Variants in PTPRD observed in about 807,000 individuals in gnomAD.
PTPRD encodes receptor-type tyrosine-protein phosphatase delta.
In PTPRD, 34 loss-of-function variants were observed where a neutral mutation model predicts 214.5. The observed-to-expected ratio is 0.16, with a 90% CI of 0.12 to 0.21. The LOEUF is 0.21. PTPRD is among the 10% of genes least tolerant of loss of function. PTPRD has a pLI of 1.00. For synonymous variants in PTPRD, 1,128 were observed against 845.7 expected, an observed-to-expected ratio of 1.33 and a Z score of -5.79; for missense variants, 2,545 against 2,398.7, an observed-to-expected ratio of 1.06 and a Z score of -1.27.
intron 11 of PTPRD, among the ~76,000 whole-genome samples, chr9:8,905,738 C>CA (rs58429749): frequency 0.3 from 29,625 of 98,744 alleles, 3,651 homozygotes; most frequent in South Asian, 0.4. Flanking sequence ...GACTCCCTCG[C>CA]AAAAAAAAAA....
intron 9 of PTPRD, among the ~76,000 whole-genome samples, chr9:9,216,532 C>T (rs1473497451): frequency 1.3e-5 from 2 of 152,154 alleles, no homozygotes; most frequent in Non-Finnish European, 2.9e-5. Flanking sequence ...TGATTAACTA[C>T]ACAGCCGTCA....
rs145203726 is a variant in PTPRD at position 9,696,251 on chromosome 9, G to A, written c.-287+38282C>T. Among the ~76,000 whole-genome samples the A allele has an allele frequency of 5.9e-5, 9 of 152,136 alleles. No homozygotes were observed. The East Asian group carries it at 1.4e-3, about 23-fold the overall frequency. On this transcript the variant is annotated intron_variant, in intron 7 of 45. Coordinates refer to ENST00000381196, the MANE Select transcript of PTPRD (RefSeq NM_002839.4). ...GTCTATTCTTGAGAATGTTTCATAC[G>A]TTTATAAGAAAAATGTGTATTCTGC...
chr9:8,472,104 T>C (rs2096664302), intron 30 of PTPRD, among the ~76,000 whole-genome samples: 1 of 152,164 alleles, frequency 6.6e-6, no homozygotes, highest in African/African-American at 2.4e-5. Flanking sequence ...GACAGATCTG[T>C]AGAGATTAAA....
chr9:9,347,524 C>A (rs1037969429), intron 9 of PTPRD, among the ~76,000 whole-genome samples: 4 of 152,056 alleles, frequency 2.6e-5, no homozygotes, highest in African/African-American at 9.6e-5. Flanking sequence ...ACAGGTGATG[C>A]AGAGTGGGTG....
intron 3 of PTPRD, among the ~76,000 whole-genome samples, chr9:10,320,055 A>C (rs1381510712): frequency 6.6e-6 from 1 of 152,042 alleles, no homozygotes; most frequent in Non-Finnish European, 1.5e-5. Flanking sequence ...GTAGCTTGCC[A>C]ATTGAAATTC....
intron 5 of PTPRD, among the ~76,000 whole-genome samples, chr9:9,866,679 G>A (rs1178251024): frequency 6.6e-6 from 1 of 151,916 alleles, no homozygotes; most frequent in African/African-American, 2.4e-5. Context: ...GAGATTTCTG[G>A]GTTGATTTCA....
chr9:9,680,253 G>C (rs1265552833), intron 7 of PTPRD, among the ~76,000 whole-genome samples: 1 of 151,784 alleles, frequency 6.6e-6, no homozygotes, highest in African/African-American at 2.4e-5. Flanking sequence ...AAGAAGATAA[G>C]TACATTTTCT....
chr9:10,333,270 G>A (rs763971638), intron 3 of PTPRD, among the ~76,000 whole-genome samples: 1 of 151,794 alleles, frequency 6.6e-6, no homozygotes, highest in Admixed American at 6.6e-5. Context: ...AAGGGGGGTT[G>A]AAGTCACCCA....
intron 39 of PTPRD, among the ~76,000 whole-genome samples, chr9:8,371,575 A>G (rs2081538771): frequency 1.3e-5 from 2 of 152,072 alleles, no homozygotes; most frequent in Non-Finnish European, 2.9e-5. Context: ...TCAAATGTCT[A>G]CAAGATAAAG....
At chr9:10,320,218 A>G (rs534313052) in intron 3 of PTPRD, among the ~76,000 whole-genome samples, 13 of 152,186 alleles carry the variant, frequency 8.5e-5, no homozygotes, top group Non-Finnish European at 1.5e-4. Flanking sequence ...TGTACATTGC[A>G]TTATGAAGAA....
chr9:9,970,292 T>A (rs1360868763), intron 4 of PTPRD, among the ~76,000 whole-genome samples: 4 of 151,498 alleles, frequency 2.6e-5, no homozygotes, highest in Non-Finnish European at 5.9e-5. Flanking sequence ...CTACTAAAAG[T>A]ACAAAACATT....
At chr9:9,146,410 A>T (rs558486499) in intron 10 of PTPRD, among the ~76,000 whole-genome samples, 2 of 152,116 alleles carry the variant, frequency 1.3e-5, no homozygotes, top group East Asian at 1.9e-4. Context: ...GACTTCTTCA[A>T]TTAGGGTCTC....
chr9:9,888,851 G>A (rs2072040974), intron 5 of PTPRD, among the ~76,000 whole-genome samples: 1 of 152,086 alleles, frequency 6.6e-6, no homozygotes, highest in African/African-American at 2.4e-5. Context: ...CCAACACCCT[G>A]ATTTCATTGA....
At chr9:9,391,847 G>T (rs569644310) in intron 9 of PTPRD, among the ~76,000 whole-genome samples, 21 of 152,218 alleles carry the variant, frequency 1.4e-4, no homozygotes, top group Non-Finnish European at 2.9e-4. Context: ...CACACCGTTT[G>T]TTCCTTTCTG....
At chr9:8,836,875 C>A (rs189381565) in intron 11 of PTPRD, among the ~76,000 whole-genome samples, 1 of 152,056 alleles carries the variant, frequency 6.6e-6, no homozygotes, top group East Asian at 1.9e-4. Context: ...AGACTCCTCC[C>A]TAGAAAAGTA....
chr9:9,933,010 T>C (rs2087389243), intron 5 of PTPRD, among the ~76,000 whole-genome samples: 1 of 151,692 alleles, frequency 6.6e-6, no homozygotes, highest in African/African-American at 2.4e-5. Flanking sequence ...TAAAATCCTT[T>C]ACAGACAAGC....
intron 3 of PTPRD, among the ~76,000 whole-genome samples, chr9:10,119,432 T>C (rs566934825): frequency 6.6e-6 from 1 of 152,146 alleles, no homozygotes; most frequent in South Asian, 2.1e-4. Flanking sequence ...GTGTAGTACA[T>C]CTGACTTCTA....
intron 10 of PTPRD, among the ~76,000 whole-genome samples, chr9:9,149,056 G>T (rs1384176826): frequency 6.6e-6 from 1 of 152,154 alleles, no homozygotes; most frequent in African/African-American, 2.4e-5. Context: ...AGGAGACATG[G>T]AAAGATTGTC....
At chr9:10,386,829 T>A (rs1193481499) in intron 2 of PTPRD, among the ~76,000 whole-genome samples, 1 of 151,458 alleles carries the variant, frequency 6.6e-6, no homozygotes, top group Admixed American at 6.6e-5. Context: ...AGGTGTAGGG[T>A]GAATTAAGGG....
Sources: gnomAD v4.1 joint callset for allele counts (sites outside exome capture counted in the v4.1 genomes callset) on GRCh38, gnomAD v4.1.1 for gene constraint, MANE v1.5 for transcripts, NCBI Gene and HGNC (gene_info 2026-07-23, HGNC 2026-07-21) for gene names.